Variants in EBPL observed in about 807,000 individuals in gnomAD.
EBPL encodes the protein EBP like.
EBPL carries 20 observed loss-of-function variants against 19.0 expected under a neutral mutation model. The ratio of observed to expected loss-of-function variants is 1.05; its 90% CI spans 0.74 to 1.53. EBPL has a LOEUF of 1.53. EBPL is among the 40% of genes most tolerant of loss of function. EBPL has a pLI of 0.00. For missense variants in EBPL, 219 were observed against 261.1 expected, an observed-to-expected ratio of 0.84 and a Z score of 1.11; for synonymous variants, 107 against 117.0, an observed-to-expected ratio of 0.91 and a Z score of 0.55.
At chr13:49,661,745 G>A in intron 3 of EBPL, 1 of 1,473,228 alleles carries the variant, frequency 6.8e-7, no homozygotes, top group Non-Finnish European at 9.0e-7. Context: ...ATACGTCAAG[G>A]TACCAAGGAA....
chr13:49,689,126 T>C (rs1360956246), intron 1 of EBPL, among the ~76,000 whole-genome samples: 1 of 152,188 alleles, frequency 6.6e-6, no homozygotes, highest in East Asian at 1.9e-4. Context: ...ATTCTTCTAA[T>C]ATGTGAAAAA....
At chr13:49,661,728 G>A in intron 3 of EBPL, 1 of 1,454,762 alleles carries the variant, frequency 6.9e-7, no homozygotes, top group Non-Finnish European at 9.0e-7. Context: ...GCGTCATGGA[G>A]TGAAAAATAC....
intron 1 of EBPL, among the ~76,000 whole-genome samples, chr13:49,690,572 T>C: frequency 6.6e-6 from 1 of 152,110 alleles, no homozygotes; most frequent in South Asian, 2.1e-4. Context: ...TAAAATGGGT[T>C]GAATCTCTAA....
intron 1 of EBPL, among the ~76,000 whole-genome samples, chr13:49,688,191 T>C (rs1002343496): frequency 6.6e-6 from 1 of 152,156 alleles, no homozygotes; most frequent in Non-Finnish European, 1.5e-5. Flanking sequence ...CATTTCCTTC[T>C]TCTAGTATGT....
At chr13:49,679,578 C>G (rs145317790) in intron 1 of EBPL, among the ~76,000 whole-genome samples, 481 of 152,300 alleles carry the variant, frequency 3.2e-3, no homozygotes, top group African/African-American at 9.0e-3. Context: ...CGGCTCACTG[C>G]AGCCTCTCAG....
chr13:49,689,470 C>T lies in EBPL; in HGVS notation c.171+1784G>A, dbSNP rs796655948. Among the ~76,000 whole-genome samples, 3 of 152,132 alleles carry T rather than the reference C, an allele frequency of 2.0e-5. No individual in the cohort carries two copies. In the South Asian group the frequency reaches 6.2e-4, roughly 31 times the overall value. On this transcript the variant is annotated intron_variant, in intron 1 of 3. Coordinates refer to ENST00000242827, the MANE Select transcript of EBPL (RefSeq NM_032565.5). Reference sequence around the variant, plus strand: ...GTTCAAGCAATTCTCCTGCCTCAGCCACCCGGGTAGCTGAGATTATGGGCA... The same window carrying T: ...GTTCAAGCAATTCTCCTGCCTCAGCTACCCGGGTAGCTGAGATTATGGGCA...
At chr13:49,679,895 A>ATATG (rs35901807) in intron 1 of EBPL, among the ~76,000 whole-genome samples, 1 of 151,998 alleles carries the variant, frequency 6.6e-6, no homozygotes, top group Non-Finnish European at 1.5e-5. Context: ...ATATATATAT[A>ATATG]TTAGTCAATA....
intron 1 of EBPL, among the ~76,000 whole-genome samples, chr13:49,680,775 T>C (rs1228563066): frequency 6.6e-6 from 1 of 152,114 alleles, no homozygotes; most frequent in East Asian, 1.9e-4. Context: ...TGTGCCAAGA[T>C]TGTGCCATTG....
At chr13:49,683,526 C>T (rs940166209) in intron 1 of EBPL, among the ~76,000 whole-genome samples, 12 of 136,790 alleles carry the variant, frequency 8.8e-5, no homozygotes, top group Non-Finnish European at 1.8e-4. Context: ...GAGACTCTGT[C>T]TCAAAAACAA....
chr13:49,689,918 G>A (rs921473837), intron 1 of EBPL, among the ~76,000 whole-genome samples: 1 of 152,176 alleles, frequency 6.6e-6, no homozygotes, highest in Non-Finnish European at 1.5e-5. Context: ...GGGAGGCCAA[G>A]GTGGGCAGAT....
At chr13:49,688,520 C>T (rs1223102265) in intron 1 of EBPL, among the ~76,000 whole-genome samples, 3 of 152,026 alleles carry the variant, frequency 2.0e-5, no homozygotes, top group African/African-American at 7.2e-5. Flanking sequence ...GAGATCGAGA[C>T]CATCCTGGCT....
Position 49,680,735 on chromosome 13 carries a change from T to C in EBPL, c.171+10519A>G, listed in dbSNP as rs560748821. Among the ~76,000 whole-genome samples, 32 of 152,204 alleles carry C rather than the reference T, an allele frequency of 2.1e-4. No individual in the cohort carries two copies. In the South Asian group the frequency reaches 3.1e-3, roughly 15 times the overall value. ...TACTCAGGAGGCTGAGGCAGGAGAATTGCTTGAACCAGGGAGGCGGAGGTT... is the reference window on the plus strand; with the variant it reads ...TACTCAGGAGGCTGAGGCAGGAGAACTGCTTGAACCAGGGAGGCGGAGGTT... On this transcript the variant is annotated intron_variant, in intron 1 of 3. Transcript: ENST00000242827.
intron 1 of EBPL, among the ~76,000 whole-genome samples, chr13:49,675,219 G>A (rs1227659878): frequency 3.9e-5 from 6 of 152,300 alleles, no homozygotes; most frequent in African/African-American, 1.4e-4. Flanking sequence ...TTGCTCCTGC[G>A]TTACAAACCT....
chr13:49,691,399 GC>G lies in EBPL; in HGVS notation c.25del (p.Ala9ProfsTer58). 3 of 1,362,938 alleles carry G rather than the reference GC, an allele frequency of 2.2e-6. No homozygotes were observed. Among genetic ancestry groups the G allele is most frequent in the South Asian group, 2.2e-5 (1 of 44,894 alleles). 84.4% of individuals were successfully genotyped at this position (1,362,938 alleles called of 1,614,324 possible). A position where few individuals can be genotyped will look rare whatever the true frequency, so the allele number is the denominator to read the frequency against. On this transcript the variant is annotated frameshift_variant, in exon 1 of 4. Transcript: ENST00000242827. LOFTEE classifies it high-confidence loss of function. MGAEWELG[A>X]EAGGSLLLCA... Reference sequence around the variant, plus strand: ...CAGCAGCAGCGAACCGCCAGCCTCGGCCCCCAGCTCCCACTCAGCGCCCATG... The same window carrying G: ...CAGCAGCAGCGAACCGCCAGCCTCGGCCCCAGCTCCCACTCAGCGCCCATG...
At chr13:49,674,649 G>A (rs1327415277) in intron 1 of EBPL, among the ~76,000 whole-genome samples, 1 of 149,146 alleles carries the variant, frequency 6.7e-6, no homozygotes, top group Non-Finnish European at 1.5e-5. Context: ...GCCAGGCTCT[G>A]GCCTCAGAGA....
chr13:49,686,466 G>A, intron 1 of EBPL: 2 of 1,285,586 alleles, frequency 1.6e-6, no homozygotes, highest in Non-Finnish European at 2.0e-6. Flanking sequence ...TGGTTGCCAG[G>A]TGCCTCACCT....
At chr13:49,673,749 T>G (rs2137495615) in intron 1 of EBPL, among the ~76,000 whole-genome samples, 1 of 152,298 alleles carries the variant, frequency 6.6e-6, no homozygotes, top group South Asian at 2.1e-4. Flanking sequence ...GTGGTTACAT[T>G]TATATAACAT....
chr13:49,661,683 T>A (rs113945578), intron 3 of EBPL: 2 of 930,502 alleles, frequency 2.1e-6, no homozygotes, highest in African/African-American at 1.8e-5. Flanking sequence ...TTTAAAATAA[T>A]AAACACATGG....
rs766658976 is a variant in EBPL, at chr13:49,661,154, G to T, written c.435C>A (p.Thr145=). The T allele has an allele frequency of 3.2e-5, 51 of 1,614,062 alleles. No homozygotes were observed. The highest frequency in any genetic ancestry group is 3.3e-4 in the Middle Eastern group (2 of 6,084). The change falls in exon 4 of 4, where the codon ACC becomes ACA. Residue 145 remains threonine (T), a synonymous_variant. Transcript: ENST00000242827. ...CVCELYGCWM[T]FLPEWLTRSP... ...TTCTGGTGAGCCACTCTGGGAGGAA[G>T]GTCATCCAGCAGCCATACAGCTCGC...
Sources: allele counts gnomAD v4.1 joint callset (sites outside exome capture counted in the v4.1 genomes callset), GRCh38; gene constraint gnomAD v4.1.1; transcripts MANE v1.5; gene names NCBI Gene and HGNC (gene_info 2026-07-23, HGNC 2026-07-21).